ACSL5: variants seen among roughly 807,000 people sequenced by gnomAD.
ACSL5 encodes the protein long-chain-fatty-acid--CoA ligase 5.
ACSL5 carries 50 observed loss-of-function variants against 84.9 expected under a neutral mutation model. The ratio of observed to expected loss-of-function variants is 0.59; its 90% confidence interval spans 0.47 to 0.75. The LOEUF (loss-of-function observed/expected upper bound fraction) is 0.75. ACSL5 is among the 30% of genes least tolerant of loss of function. The pLI is 0.00. For missense variants in ACSL5, 775 were observed against 830.4 expected (o/e 0.93, Z 0.82); for synonymous variants, 280 against 300.7 (o/e 0.93, Z 0.71).
In ACSL5 at chr10:112,416,743, C is replaced by T. The variant is rs929872623; in HGVS notation, c.1084-145C>T. 52 of 865,596 alleles carry T rather than the reference C, an allele frequency of 6.0e-5. 1 individual carries two copies. In the African/African-American group the frequency reaches 7.4e-4, roughly 12 times the overall value. 53.6% of individuals were successfully genotyped at this position (865,596 alleles called of 1,614,324 possible). The stretch of plus-strand genomic sequence containing the variant: ...GAGCATGGCCATAATTCTCTGGGCT[C>T]ATCATTATTCAGCAATCCAATTCAT... On this transcript the variant is annotated intron_variant, in intron 12 of 20. Transcript: ENST00000354655.
chr10:112,375,871 G>A (rs1849228362), intron 1 of ACSL5, among the ~76,000 whole-genome samples: 1 of 152,202 alleles, frequency 6.6e-6, no homozygotes, highest in South Asian at 2.1e-4. Flanking sequence ...AGGCGGGGTA[G>A]AAGGTGTTTG....
In ACSL5 at chr10:112,394,911, T is replaced by G. The variant is rs759418225; in HGVS notation, c.-29-7T>G. On this transcript the variant is annotated splice_region_variant and splice_polypyrimidine_tract_variant and intron_variant, in intron 1 of 20. Coordinates refer to ENST00000354655, the MANE Select transcript of ACSL5 (RefSeq NM_203379.2). The stretch of plus-strand genomic sequence containing the variant: ...CTAAATTTTCTTTCCCCTGTTTTTT[T>G]TTTAAGGTCTGAATTTCCTGCTGCT... 1 of 1,610,812 alleles carries G rather than the reference T, an allele frequency of 6.2e-7. No individual in the cohort carries two copies. Among genetic ancestry groups the G allele is most frequent in the Non-Finnish European group, 8.5e-7 (1 of 1,179,412 alleles).
chr10:112,383,812 C>T (rs200992065), intron 1 of ACSL5, among the ~76,000 whole-genome samples: 2 of 150,958 alleles, frequency 1.3e-5, no homozygotes, highest in South Asian at 4.2e-4. Flanking sequence ...TCATTTTATT[C>T]TTTTTTTTTG....
At chr10:112,404,074 T>C (rs1843971147) in intron 3 of ACSL5, among the ~76,000 whole-genome samples, 1 of 152,226 alleles carries the variant, frequency 6.6e-6, no homozygotes, top group South Asian at 2.1e-4. Flanking sequence ...ATTTGGGTGA[T>C]GAGATTGATG....
Position 112,416,884 on chromosome 10 carries a change from G to T in ACSL5, c.1084-4G>T. 1 of 1,613,810 alleles carries T rather than the reference G, an allele frequency of 6.2e-7. No homozygotes were observed. The highest frequency in any genetic ancestry group is 8.5e-7 in the Non-Finnish European group (1 of 1,179,768). ...TCCAACTAAAAGGAGCTATCACTCTGCAGGTACAAAATGAGGCCAAGACAC... is the reference window on the plus strand; with the variant it reads ...TCCAACTAAAAGGAGCTATCACTCTTCAGGTACAAAATGAGGCCAAGACAC... On this transcript the variant is annotated splice_region_variant and splice_polypyrimidine_tract_variant and intron_variant, in intron 12 of 20. Transcript: ENST00000354655.
At chr10:112,409,758 C>A in intron 7 of ACSL5, 73 bp downstream of exon 7, 2 of 1,471,960 alleles carry the variant, frequency 1.4e-6, no homozygotes, top group Non-Finnish European at 1.9e-6. Context: ...GATACCTTCC[C>A]AAGAGGACAG....
intron 14 of ACSL5, among the ~76,000 whole-genome samples, chr10:112,418,598 A>G (rs1237484440): frequency 6.6e-6 from 1 of 152,030 alleles, no homozygotes; most frequent in African/African-American, 2.4e-5. Flanking sequence ...ATAAAAATAA[A>G]AAAAATACTT....
chr10:112,403,475 G>A (rs1843952568), intron 3 of ACSL5, among the ~76,000 whole-genome samples: 2 of 152,262 alleles, frequency 1.3e-5, no homozygotes, highest in Admixed American at 1.3e-4. Flanking sequence ...TAGTAGAGAC[G>A]GGGTTTCTCC....
chr10:112,408,253 C>G, intron 5 of ACSL5, 169 bp from the exon 6 acceptor site: 2 of 495,986 alleles, frequency 4.0e-6, no homozygotes, highest in Non-Finnish European at 7.3e-6. Flanking sequence ...GAGCTATGAT[C>G]ACACCACTGC....
At position 112,394,927 on chromosome 10, in the gene ACSL5, T is replaced by C. The variant is rs141628996; in HGVS notation, c.-20T>C. The stretch of plus-strand genomic sequence containing the variant: ...CTGTTTTTTTTTTAAGGTCTGAATT[T>C]CCTGCTGCTGTTCACAAAGATGCTT... On this transcript the variant is annotated 5_prime_UTR_variant, in exon 2 of 21. Transcript: ENST00000354655. 2 of 1,613,094 alleles carry C rather than the reference T, an allele frequency of 1.2e-6. No individual in the cohort carries two copies. The highest frequency in any genetic ancestry group is 2.2e-5 in the South Asian group (2 of 91,044).
rs566503761 is a variant in ACSL5, at chr10:112,392,740, C to CAA, written c.-29-2162_-29-2161dup. On this transcript the variant is annotated intron_variant, in intron 1 of 20. Transcript: ENST00000354655. ...TGGGTGACAGAGCGAGATTCTGTCT[C>CAA]AAAAAAAAAAAAAAAAATTAAAGAA... Among the ~76,000 whole-genome samples, 485 of 116,998 alleles carry CAA rather than the reference C, an allele frequency of 4.1e-3. 6 individuals are homozygous for CAA. Among genetic ancestry groups the CAA allele is most frequent in the Admixed American group, 0.02 (236 of 11,874 alleles). The allele number at this position is 116,998 out of a possible 152,430, so 76.8% of individuals were successfully genotyped here.
intron 6 of ACSL5, 143 bp downstream of exon 6, chr10:112,408,664 T>C: frequency 1.6e-6 from 1 of 634,138 alleles, no homozygotes; most frequent in Admixed American, 2.5e-5. Context: ...TTTCTAGTTT[T>C]GTAGTACTTA....
chr10:112,403,106 G>A lies in ACSL5; in HGVS notation c.266-1405G>A, dbSNP rs374315403. 4.5e-4 allele frequency among the ~76,000 whole-genome samples: 69 copies of A among 152,228 alleles called. 1 individual carries two copies. The South Asian group carries it at 0.011, about 25-fold the overall frequency. On this transcript the variant is annotated intron_variant, in intron 3 of 20. Transcript: ENST00000354655. ...TGTGCACACCTCTGTGTGTGTTTCC[G>A]TGTTTTTTTACAAGCCTTGATATCT...
chr10:112,381,844 G>A (rs1322308955), intron 1 of ACSL5, among the ~76,000 whole-genome samples: 1 of 152,072 alleles, frequency 6.6e-6, no homozygotes, highest in Non-Finnish European at 1.5e-5. Context: ...GCACGTGCCT[G>A]TAGTCCCAGC....
intron 7 of ACSL5, 41 bp from the exon 8 acceptor site, chr10:112,410,422 C>T: frequency 1.9e-6 from 3 of 1,613,252 alleles, no homozygotes; most frequent in Non-Finnish European, 2.5e-6. Flanking sequence ...GTCTGTCCAT[C>T]TCAACTAATG....
intron 1 of ACSL5, chr10:112,376,080 C>G (rs954612937): frequency 1.8e-5 from 9 of 513,578 alleles, no homozygotes; most frequent in African/African-American, 1.5e-4. Flanking sequence ...GGCAAGCTGG[C>G]TTTTGTGTCG....
intron 6 of ACSL5, chr10:112,408,991 C>T (rs1844116169): frequency 6.1e-6 from 1 of 164,576 alleles, no homozygotes; most frequent in African/African-American, 2.4e-5. Context: ...AGTAACAGCC[C>T]TTTCACATAT....
chr10:112,385,610 T>C (rs1013762569), intron 1 of ACSL5, among the ~76,000 whole-genome samples: 1 of 152,216 alleles, frequency 6.6e-6, no homozygotes, highest in Non-Finnish European at 1.5e-5. Context: ...TAATTGTAAA[T>C]AACTTGCTTG....
At chr10:112,399,171 A>G (rs1005548396) in intron 3 of ACSL5, among the ~76,000 whole-genome samples, 162 bp downstream of exon 3, 6 of 152,166 alleles carry the variant, frequency 3.9e-5, no homozygotes, top group Admixed American at 1.3e-4. Context: ...TAGTATTAGG[A>G]TGGGCGTTGG....
Sources: allele counts gnomAD v4.1 joint callset (sites outside exome capture counted in the v4.1 genomes callset), GRCh38; gene constraint gnomAD v4.1.1; transcripts MANE v1.5; gene names NCBI Gene and HGNC (gene_info 2026-07-23, HGNC 2026-07-21).